The following SETD3 variants were observed in gnomAD, a reference collection of about 807,000 sequenced individuals.
SETD3 encodes the protein actin-histidine N-methyltransferase.
In SETD3, 19 loss-of-function variants were observed where a neutral mutation model predicts 63.0. The observed-to-expected ratio is 0.30, with a 90% CI of 0.21 to 0.44. The LOEUF (loss-of-function observed/expected upper bound fraction) is 0.44. Among genes scored for constraint, SETD3 ranks in the 20% least tolerant of loss-of-function variants. The probability of loss-of-function intolerance (pLI) is 1.00; values close to 1 mark genes in which losing one functional copy is unlikely to be tolerated. For missense variants in SETD3, 587 were observed against 728.5 expected (o/e 0.81, Z 2.24); for synonymous variants, 286 against 264.1 (o/e 1.08, Z -0.80).
chr14:99,424,368 G>T (rs1026490506), intron 6 of SETD3, among the ~76,000 whole-genome samples: 4 of 152,352 alleles, frequency 2.6e-5, no homozygotes, highest in African/African-American at 9.6e-5. Context: ...GGGAGGATGA[G>T]GGGACTGGGC....
intron 9 of SETD3, 68 bp downstream of exon 9, chr14:99,406,448 T>G (rs1021582555): frequency 9.3e-6 from 13 of 1,396,602 alleles, no homozygotes; most frequent in Non-Finnish European, 1.0e-5. Context: ...TTTTTAAGAT[T>G]ACCAACACGG....
At chr14:99,481,802 A>G (rs754126398), upstream of SETD3, among the ~76,000 whole-genome samples, 1 of 152,188 alleles carries the variant, frequency 6.6e-6, no homozygotes, top group South Asian at 2.1e-4. Flanking sequence ...TTAACCGCGC[A>G]CAGTCTCACA....
intron 8 of SETD3, among the ~76,000 whole-genome samples, chr14:99,410,553 C>T (rs1027162601): frequency 4.6e-5 from 7 of 152,132 alleles, no homozygotes; most frequent in African/African-American, 1.7e-4. Context: ...CTTGTCATAT[C>T]AACCGAAAAA....
chr14:99,477,071 A>G (rs188255320), intron 1 of SETD3, among the ~76,000 whole-genome samples: 1 of 152,322 alleles, frequency 6.6e-6, no homozygotes, highest in Non-Finnish European at 1.5e-5. Flanking sequence ...ACTTTGGCTT[A>G]GTAATCAGTA....
At chr14:99,458,644 A>G (rs201518070) in intron 5 of SETD3, 109 bp from the exon 6 acceptor site, 1 of 472,240 alleles carries the variant, frequency 2.1e-6, no homozygotes. Flanking sequence ...GTAACATTTA[A>G]AGTCAGGTAC....
Position 99,404,247 on chromosome 14 carries a change from G to C in SETD3, c.1155C>G (p.Leu385=). 6.2e-7 allele frequency: 1 copy of C among 1,614,034 alleles called. No homozygotes were observed. ...TACCTTCAGTCATACAGAATACTCG[G>C]AGAAAAGCCAAAAGCTGAGCAGAGA... The part of the protein sequence containing the change: ...PPISAQLLAF[L]RVFCMTEEEL... Residue 385 remains leucine (L), a synonymous_variant, in exon 11 of 13, where the codon CTC becomes CTG. Transcript: ENST00000331768.
chr14:99,482,319 A>C (rs1488021003), upstream of SETD3, among the ~76,000 whole-genome samples: 2 of 152,248 alleles, frequency 1.3e-5, no homozygotes, highest in Non-Finnish European at 2.9e-5. Flanking sequence ...AATGCCTTGC[A>C]GTTGTAGGTG....
At chr14:99,485,076 C>G (rs1896450818), upstream of SETD3, among the ~76,000 whole-genome samples, 1 of 152,146 alleles carries the variant, frequency 6.6e-6, no homozygotes, top group Admixed American at 6.5e-5. Context: ...GTTTATAGAC[C>G]TGAGGCAAAA....
intron 1 of SETD3, among the ~76,000 whole-genome samples, chr14:99,478,999 C>T (rs1477471950): frequency 6.6e-6 from 1 of 152,234 alleles, no homozygotes; most frequent in Admixed American, 6.5e-5. Context: ...TTCTTACTGA[C>T]AGTCACTGTG....
At chr14:99,403,453 ACACTCTCTCTCTCT>A (rs1348426774) in intron 11 of SETD3, among the ~76,000 whole-genome samples, 120 of 106,196 alleles carry the variant, frequency 1.1e-3, no homozygotes, top group African/African-American at 3.7e-3. Flanking sequence ...ACACACACAC[ACACTCTCTCTCTCT>A]CTCTCTCTCT....
intron 1 of SETD3, among the ~76,000 whole-genome samples, chr14:99,471,826 C>T (rs183637753): frequency 6.6e-6 from 1 of 152,280 alleles, no homozygotes; most frequent in Non-Finnish European, 1.5e-5. Flanking sequence ...GGAAAGCTTA[C>T]GGCCCAAGCA....
At chr14:99,460,389 C>T (rs1423176393) in intron 4 of SETD3, among the ~76,000 whole-genome samples, 2 of 152,138 alleles carry the variant, frequency 1.3e-5, no homozygotes, top group African/African-American at 2.4e-5. Flanking sequence ...ATATCACCTA[C>T]TGAATCCCAG....
In SETD3 at chr14:99,446,115, G is replaced by C. The variant is rs142826556; in HGVS notation, c.675+12164C>G. Among the ~76,000 whole-genome samples the C allele has an allele frequency of 8.2e-3, 1,243 of 152,254 alleles. 9 individuals carry two copies. The highest frequency in any genetic ancestry group is 0.014 in the Middle Eastern group (4 of 294). ...TTGACTGGGCTTACTCAGTGGCTCT[G>C]GCGAGCTTTCCTGTTCCTACACCTG... On this transcript the variant is annotated intron_variant, in intron 6 of 12. Transcript: ENST00000331768.
chr14:99,463,937 A>G (rs1895221384), intron 2 of SETD3, among the ~76,000 whole-genome samples: 1 of 152,232 alleles, frequency 6.6e-6, no homozygotes, highest in Non-Finnish European at 1.5e-5. Context: ...TATCCCCCCA[A>G]AACTCTTCTA....
At chr14:99,477,369 CA>C (rs1306592271) in intron 1 of SETD3, among the ~76,000 whole-genome samples, 9 of 152,300 alleles carry the variant, frequency 5.9e-5, no homozygotes, top group African/African-American at 2.2e-4. Flanking sequence ...GGGGTCAACA[CA>C]GCTAATCTCT....
At chr14:99,439,514 G>A (rs1461163648) in intron 6 of SETD3, among the ~76,000 whole-genome samples, 1 of 151,412 alleles carries the variant, frequency 6.6e-6, no homozygotes. Context: ...TAGTACCTAT[G>A]ACCGAACCAC....
At chr14:99,460,701 A>C (rs1411951381) in intron 4 of SETD3, among the ~76,000 whole-genome samples, 1 of 152,064 alleles carries the variant, frequency 6.6e-6, no homozygotes, top group East Asian at 1.9e-4. Flanking sequence ...AGGGGAGAAA[A>C]AGCCCTTCTT....
intron 1 of SETD3, among the ~76,000 whole-genome samples, chr14:99,474,465 G>C (rs551408903): frequency 6.6e-6 from 1 of 152,312 alleles, no homozygotes; most frequent in East Asian, 1.9e-4. Context: ...GATGTATAAA[G>C]ATCTATAAAT....
intron 6 of SETD3, among the ~76,000 whole-genome samples, chr14:99,427,460 G>C (rs1892944641): frequency 6.6e-6 from 1 of 152,186 alleles, no homozygotes; most frequent in African/African-American, 2.4e-5. Context: ...CTGCAAAAAA[G>C]TAGGAAAAGG....
Sources: gnomAD v4.1 joint callset for allele counts (sites outside exome capture counted in the v4.1 genomes callset) on GRCh38, gnomAD v4.1.1 for gene constraint, MANE v1.5 for transcripts, NCBI Gene and HGNC (gene_info 2026-07-23, HGNC 2026-07-21) for gene names.